The following KCNQ1 variants were observed in gnomAD, a reference collection of about 807,000 sequenced individuals.
KCNQ1 encodes the protein potassium voltage-gated channel subfamily Q member 1, also known as potassium voltage-gated channel subfamily KQT member 1.
KCNQ1 carries 49 observed loss-of-function variants against 72.4 expected under a neutral mutation model. The observed-to-expected ratio is 0.68, with a 90% CI of 0.54 to 0.86. The LOEUF (loss-of-function observed/expected upper bound fraction) is 0.86, where lower values mean the gene tolerates loss of function less well. Among genes scored for constraint, KCNQ1 ranks in the 40% least tolerant of loss-of-function variants. The pLI is 0.00. For missense variants in KCNQ1, 790 were observed against 945.1 expected, an observed-to-expected ratio of 0.84 and a Z score of 2.15; for synonymous variants, 450 against 412.6, an observed-to-expected ratio of 1.09 and a Z score of -1.10.
At position 2,497,356 on chromosome 11, in the gene KCNQ1, G is replaced by T. The variant is rs1846939975; in HGVS notation, c.387-30572G>T. ...TAGTCCCATATTTCTTGGAGGTTTTGTTCGTTCTTTTTCATCATTTTTTCT... is the reference window on the plus strand; with the variant it reads ...TAGTCCCATATTTCTTGGAGGTTTTTTTCGTTCTTTTTCATCATTTTTTCT... On this transcript the variant is annotated intron_variant, in intron 1 of 15. Transcript: ENST00000155840. The surrounding 1 kb of genome is among the most constrained non-coding windows in gnomAD (Gnocchi z 4.5). Among the ~76,000 whole-genome samples, 1 of 152,074 alleles carries T rather than the reference G, an allele frequency of 6.6e-6. No individual in the cohort carries two copies. The highest frequency in any genetic ancestry group is 2.1e-4 in the South Asian group (1 of 4,816).
chr11:2,830,282 C>T lies in KCNQ1; in HGVS notation c.1795-17485C>T, dbSNP rs1215040236. On this transcript the variant is annotated intron_variant, in intron 15 of 15. Transcript: ENST00000155840. The surrounding 1 kb of genome is among the most constrained non-coding windows in gnomAD (Gnocchi z 7.7). The stretch of plus-strand genomic sequence containing the variant: ...ATAAGGCCAGTGAGAGAAGAGGACT[C>T]ACTGGTGGGTGCCTCCTCCCCACCT... Among the ~76,000 whole-genome samples, 3 of 152,032 alleles carry T rather than the reference C, an allele frequency of 2.0e-5. No homozygotes were observed. Among genetic ancestry groups the T allele is most frequent in the African/African-American group, 7.2e-5 (3 of 41,382 alleles).
intron 13 of KCNQ1, among the ~76,000 whole-genome samples, chr11:2,776,414 G>A (rs757603447): frequency 4.0e-4 from 61 of 152,232 alleles, no homozygotes; most frequent in Non-Finnish European, 6.8e-4. Flanking sequence ...CAGCCCACCC[G>A]CCTTCCCTGT....
rs1458840642 is a variant in KCNQ1, at chr11:2,767,952, G to C, written c.1515-892G>C. On this transcript the variant is annotated intron_variant, in intron 11 of 15. Transcript: ENST00000155840. The surrounding 1 kb of genome is among the most constrained non-coding windows in gnomAD (Gnocchi z 4.6). ...GCCCACTGGGCCCCCACCCTGTTGG[G>C]TGTCAGTGCTCCCCAAACTGACAAG... is the stretch of plus-strand genomic sequence containing the variant. Among the ~76,000 whole-genome samples the C allele has an allele frequency of 6.6e-6, 1 of 152,226 alleles. No homozygotes were observed. The highest frequency in any genetic ancestry group is 2.4e-5 in the African/African-American group (1 of 41,454).
rs577362855 is a variant in KCNQ1, at chr11:2,827,641, C to T, written c.1795-20126C>T. 1.2e-3 allele frequency among the ~76,000 whole-genome samples: 7 copies of T among 5,824 alleles called. No individual in the cohort carries two copies. Among genetic ancestry groups the T allele is most frequent in the Admixed American group, 4.4e-3 (2 of 452 alleles). 3.8% of individuals were successfully genotyped at this position (5,824 alleles called of 152,430 possible). On this transcript the variant is annotated intron_variant, in intron 15 of 15. Coordinates refer to ENST00000155840, the MANE Select transcript of KCNQ1 (RefSeq NM_000218.3). This position sits in a 1 kb window ranked among gnomAD's most constrained non-coding sequence, Gnocchi z 6.7. ...GTTGATTAAAAAAAAAAAGTGGGGTCGGGGGGGCGGGGGAGAGCGGCTATG... is the reference window on the plus strand; with the variant it reads ...GTTGATTAAAAAAAAAAAGTGGGGTTGGGGGGGCGGGGGAGAGCGGCTATG...
At chr11:2,580,787 G>A (rs936471478) in intron 6 of KCNQ1, among the ~76,000 whole-genome samples, 1 of 152,240 alleles carries the variant, frequency 6.6e-6, no homozygotes, top group Non-Finnish European at 1.5e-5. Context: ...GCTTTCTTCA[G>A]CCTGACCTTG....
At chr11:2,835,861 G>A (rs1022340859) in intron 15 of KCNQ1, among the ~76,000 whole-genome samples, 4 of 152,324 alleles carry the variant, frequency 2.6e-5, no homozygotes, top group Admixed American at 1.3e-4. Context: ...GGGAAGCCTC[G>A]TGGGGCTGTT....
chr11:2,709,357 G>C (rs534832934), intron 11 of KCNQ1, among the ~76,000 whole-genome samples: 1 of 151,270 alleles, frequency 6.6e-6, no homozygotes, highest in South Asian at 2.1e-4. Context: ...CAGGACCTGC[G>C]GGGGCTTCCT....
Position 2,661,056 on chromosome 11 carries a change from AG to A in KCNQ1, c.1394-903del. 2.5e-6 allele frequency: 1 copy of A among 398,604 alleles called. No homozygotes were observed. The highest frequency in any genetic ancestry group is 4.4e-5 in the Admixed American group (1 of 22,726). The allele number at this position is 398,604 out of a possible 1,614,324, so 24.7% of individuals were successfully genotyped here. ...AAATGAGCTTATGTTACAGAGTGAC[AG>A]GAACAGAGTCACAGTGACATCCCAT... On this transcript the variant is annotated intron_variant, in intron 10 of 15. Transcript: ENST00000155840. This position sits in a 1 kb window ranked among gnomAD's most constrained non-coding sequence, Gnocchi z 5.9.
rs751722162 is a variant in KCNQ1, at chr11:2,654,010, T to C, written c.1394-7951T>C. 2.3e-5 allele frequency: 9 copies of C among 398,562 alleles called. No individual in the cohort carries two copies. The highest frequency in any genetic ancestry group is 3.5e-5 in the Non-Finnish European group (8 of 226,108). 24.7% of individuals were successfully genotyped at this position (398,562 alleles called of 1,614,324 possible). A position where few individuals can be genotyped will look rare whatever the true frequency, so the allele number is the denominator to read the frequency against. On this transcript the variant is annotated intron_variant, in intron 10 of 15. Coordinates refer to ENST00000155840, the MANE Select transcript of KCNQ1 (RefSeq NM_000218.3). The surrounding 1 kb of genome is among the most constrained non-coding windows in gnomAD (Gnocchi z 6.4). ...CGGAACTGGGTGCCAGCTGTGAATA[T>C]ACATTTTCACTCCATTCCTCGCCTT...
rs936462619 is a variant in KCNQ1, at chr11:2,478,955, G to A, written c.386+33471G>A. Among the ~76,000 whole-genome samples the A allele has an allele frequency of 4.6e-5, 7 of 152,182 alleles. No individual in the cohort carries two copies. The highest frequency in any genetic ancestry group is 3.9e-4 in the Admixed American group (6 of 15,282). ...TGAAATGGGAGTAATTGGCCAAAACGAAGGGGCTAAAGGCCCCATGCAAGT... is the reference window on the plus strand; with the variant it reads ...TGAAATGGGAGTAATTGGCCAAAACAAAGGGGCTAAAGGCCCCATGCAAGT... On this transcript the variant is annotated intron_variant, in intron 1 of 15. Transcript: ENST00000155840. The surrounding 1 kb of genome is among the most constrained non-coding windows in gnomAD (Gnocchi z 4.0).
At position 2,642,144 on chromosome 11, in the gene KCNQ1, T is replaced by A. The variant is rs1849590221; in HGVS notation, c.1394-19817T>A. 2 of 398,298 alleles carry A rather than the reference T, an allele frequency of 5.0e-6. No individual in the cohort carries two copies. Among genetic ancestry groups the A allele is most frequent in the Non-Finnish European group, 8.9e-6 (2 of 225,928 alleles). The allele number at this position is 398,298 out of a possible 1,614,324, so 24.7% of individuals were successfully genotyped here. The stretch of plus-strand genomic sequence containing the variant: ...CATCTGAATTTTAGGATTTTTTCTA[T>A]TTCCATGAAAAATGGCATTGGTATT... On this transcript the variant is annotated intron_variant, in intron 10 of 15. Transcript: ENST00000155840. This position sits in a 1 kb window ranked among gnomAD's most constrained non-coding sequence, Gnocchi z 4.3.
Position 2,677,179 on chromosome 11 carries a change from G to C in KCNQ1, c.1514+15098G>C, listed in dbSNP as rs1850308500. 2.5e-6 allele frequency: 1 copy of C among 398,374 alleles called. No individual in the cohort carries two copies. Among genetic ancestry groups the C allele is most frequent in the Non-Finnish European group, 4.4e-6 (1 of 226,052 alleles). 24.7% of individuals were successfully genotyped at this position (398,374 alleles called of 1,614,324 possible). A position where few individuals can be genotyped will look rare whatever the true frequency, so the allele number is the denominator to read the frequency against. Reference sequence around the variant, plus strand: ...CTCCCTATCCATCTTATCCCTACTTGTATCTCTGCTGACTGACCTCTTTGG... The same window carrying C: ...CTCCCTATCCATCTTATCCCTACTTCTATCTCTGCTGACTGACCTCTTTGG... On this transcript the variant is annotated intron_variant, in intron 11 of 15. Coordinates refer to ENST00000155840, the MANE Select transcript of KCNQ1 (RefSeq NM_000218.3). This position sits in a 1 kb window ranked among gnomAD's most constrained non-coding sequence, Gnocchi z 4.5.
Position 2,659,520 on chromosome 11 carries a change from T to A in KCNQ1, c.1394-2441T>A, listed in dbSNP as rs1849912781. On this transcript the variant is annotated intron_variant, in intron 10 of 15. Transcript: ENST00000155840. This position sits in a 1 kb window ranked among gnomAD's most constrained non-coding sequence, Gnocchi z 4.3. ...TGCATTCACCTGTTGAAGGACATCT[T>A]CATTGTTTCCAGTATTTGGTAATTA... is the stretch of plus-strand genomic sequence containing the variant. 5.0e-6 allele frequency: 2 copies of A among 398,474 alleles called. No individual in the cohort carries two copies. Among genetic ancestry groups the A allele is most frequent in the African/African-American group, 4.1e-5 (2 of 48,654 alleles). The allele number at this position is 398,474 out of a possible 1,614,324, so 24.7% of individuals were successfully genotyped here. A position where few individuals can be genotyped will look rare whatever the true frequency, so the allele number is the denominator to read the frequency against.
intron 15 of KCNQ1, among the ~76,000 whole-genome samples, chr11:2,789,967 G>A (rs189181292): frequency 2.6e-5 from 4 of 152,250 alleles, no homozygotes; most frequent in East Asian, 3.9e-4. Flanking sequence ...ACCCATCCTC[G>A]GATAGGTTGC....
chr11:2,734,989 C>T lies in KCNQ1; in HGVS notation c.1515-33855C>T, dbSNP rs114292361. ...GGCCGCGTGCCCAGCCGGCTGTGCACGCTGCCCCAGGCTGGTGGGGTAAGC... is the reference window on the plus strand; with the variant it reads ...GGCCGCGTGCCCAGCCGGCTGTGCATGCTGCCCCAGGCTGGTGGGGTAAGC... On this transcript the variant is annotated intron_variant, in intron 11 of 15. Transcript: ENST00000155840. This position sits in a 1 kb window ranked among gnomAD's most constrained non-coding sequence, Gnocchi z 7.0. Among the ~76,000 whole-genome samples the T allele has an allele frequency of 4.4e-3, 674 of 152,188 alleles. 4 individuals carry two copies. The highest frequency in any genetic ancestry group is 0.015 in the African/African-American group (635 of 41,526).
chr11:2,455,568 T>C (rs1846180497), intron 1 of KCNQ1, among the ~76,000 whole-genome samples: 1 of 152,194 alleles, frequency 6.6e-6, no homozygotes, highest in Non-Finnish European at 1.5e-5. Flanking sequence ...AAATCATAGA[T>C]GACAGAAATG....
rs919693499 is a variant in KCNQ1 at position 2,536,736 on chromosome 11, G to A, written c.477+8718G>A. ...GGGCCTATCTCCAGCCACGTGGGTC[G>A]CGAGAGTCGACCTGGGCTGCGTGAT... On this transcript the variant is annotated intron_variant, in intron 2 of 15. Coordinates refer to ENST00000155840, the MANE Select transcript of KCNQ1 (RefSeq NM_000218.3). The surrounding 1 kb of genome is among the most constrained non-coding windows in gnomAD (Gnocchi z 7.4). 3.9e-5 allele frequency among the ~76,000 whole-genome samples: 6 copies of A among 152,104 alleles called. No individual in the cohort carries two copies. The highest frequency in any genetic ancestry group is 1.9e-4 in the East Asian group (1 of 5,182).
intron 11 of KCNQ1, among the ~76,000 whole-genome samples, chr11:2,751,178 C>T (rs901260112): frequency 3.3e-5 from 5 of 152,172 alleles, no homozygotes; most frequent in Admixed American, 6.5e-5. Context: ...GGGCTCCGCT[C>T]GTCCCTCTGA....
chr11:2,450,818 T>A lies in KCNQ1; in HGVS notation c.386+5334T>A, dbSNP rs1232321065. On this transcript the variant is annotated intron_variant, in intron 1 of 15. Coordinates refer to ENST00000155840, the MANE Select transcript of KCNQ1 (RefSeq NM_000218.3). The surrounding 1 kb of genome is among the most constrained non-coding windows in gnomAD (Gnocchi z 7.9). ...GCGTGACCCTAGTCCAGGGGGCCGC[T>A]TTTACACGAGGCATCTGACCATGTG... 6.6e-6 allele frequency among the ~76,000 whole-genome samples: 1 copy of A among 152,112 alleles called. No homozygotes were observed. The highest frequency in any genetic ancestry group is 2.4e-5 in the African/African-American group (1 of 41,402).
Sources: allele counts gnomAD v4.1 joint callset (sites outside exome capture counted in the v4.1 genomes callset), GRCh38; gene constraint gnomAD v4.1.1; non-coding constraint Gnocchi (gnomAD v3.1); transcripts MANE v1.5; gene names NCBI Gene and HGNC (gene_info 2026-07-23, HGNC 2026-07-21).